FRMD4A: variants seen among roughly 807,000 people sequenced by gnomAD.
FRMD4A encodes FERM domain-containing protein 4A.
FRMD4A carries 29 observed loss-of-function variants against 129.1 expected under a neutral mutation model. That is an observed-to-expected ratio of 0.22 (90% confidence interval 0.17 to 0.31). The LOEUF is 0.31. Ranked by LOEUF, FRMD4A falls within the 10% of genes least tolerant of loss-of-function variation. The pLI, the probability that FRMD4A is intolerant of heterozygous loss-of-function variation, is 1.00. For missense variants in FRMD4A, 1,272 were observed against 1,375.8 expected, an observed-to-expected ratio of 0.92 and a Z score of 1.19; for synonymous variants, 634 against 571.6, an observed-to-expected ratio of 1.11 and a Z score of -1.56.
At chr10:14,191,113 A>C (rs1842304201) in intron 2 of FRMD4A, among the ~76,000 whole-genome samples, 1 of 152,184 alleles carries the variant, frequency 6.6e-6, no homozygotes, top group Non-Finnish European at 1.5e-5. Flanking sequence ...CTGCACACTC[A>C]AGAATTTTTG....
intron 2 of FRMD4A, among the ~76,000 whole-genome samples, chr10:13,992,363 G>A (rs763936654): frequency 5.9e-5 from 9 of 152,078 alleles, no homozygotes; most frequent in African/African-American, 1.2e-4. Flanking sequence ...ACATCTAACC[G>A]GATTCATGAG....
chr10:13,852,611 A>G (rs1034608442), intron 3 of FRMD4A, among the ~76,000 whole-genome samples: 4 of 152,228 alleles, frequency 2.6e-5, no homozygotes, highest in African/African-American at 9.6e-5. Context: ...CCAAAATATT[A>G]TCATTTTAAC....
chr10:14,233,692 C>A (rs35330629), intron 2 of FRMD4A, among the ~76,000 whole-genome samples: 17 of 152,314 alleles, frequency 1.1e-4, no homozygotes, highest in Admixed American at 1.1e-3. Context: ...AAAACAGGCA[C>A]GCTGAAAAAG....
chr10:14,310,144 C>T (rs894992432), intron 2 of FRMD4A, among the ~76,000 whole-genome samples: 1 of 147,496 alleles, frequency 6.8e-6, no homozygotes, highest in Non-Finnish European at 1.5e-5. Flanking sequence ...GGATCTGCCT[C>T]GGCTTTGGGC....
At chr10:14,129,217 C>T (rs1839095637) in intron 2 of FRMD4A, among the ~76,000 whole-genome samples, 3 of 151,478 alleles carry the variant, frequency 2.0e-5, no homozygotes, top group African/African-American at 7.3e-5. Context: ...TAGTGAAGTA[C>T]CTTATTACCG....
At chr10:14,115,752 C>T (rs1000497771) in intron 2 of FRMD4A, among the ~76,000 whole-genome samples, 3 of 152,184 alleles carry the variant, frequency 2.0e-5, no homozygotes, top group African/African-American at 7.2e-5. Context: ...CATCTTCCAC[C>T]ATGATTGGAA....
chr10:13,891,384 T>A (rs2094694353), intron 2 of FRMD4A, among the ~76,000 whole-genome samples: 1 of 152,092 alleles, frequency 6.6e-6, no homozygotes, highest in Non-Finnish European at 1.5e-5. Context: ...GGGACTGAGG[T>A]GCCCAAGGAA....
chr10:14,035,107 C>T (rs542164534), intron 2 of FRMD4A, among the ~76,000 whole-genome samples: 6 of 152,212 alleles, frequency 3.9e-5, no homozygotes, highest in East Asian at 1.9e-4. Flanking sequence ...TTATATGCTA[C>T]GTTAGGGAAT....
chr10:13,909,398 A>C (rs2094917727), intron 2 of FRMD4A, among the ~76,000 whole-genome samples: 1 of 152,220 alleles, frequency 6.6e-6, no homozygotes, highest in Non-Finnish European at 1.5e-5. Context: ...CGTTCCCATC[A>C]GTAACGTATA....
chr10:13,670,655 G>A (rs927496737), intron 16 of FRMD4A, 127 bp from the exon 17 acceptor site: 16 of 800,616 alleles, frequency 2.0e-5, no homozygotes, highest in African/African-American at 3.4e-5. Flanking sequence ...ACAGGTCAAC[G>A]CTTATGCTAG....
chr10:13,906,571 G>T (rs2094884253), intron 2 of FRMD4A, among the ~76,000 whole-genome samples: 1 of 152,130 alleles, frequency 6.6e-6, no homozygotes, highest in Non-Finnish European at 1.5e-5. Flanking sequence ...TCCACTAAGG[G>T]CGTGAAATCT....
At chr10:13,666,429 A>G in intron 17 of FRMD4A, 104 bp from the exon 18 acceptor site, 1 of 756,058 alleles carries the variant, frequency 1.3e-6, no homozygotes, top group Non-Finnish European at 2.2e-6. Context: ...CATGGGAGAC[A>G]CTCTTAAGAG....
intron 2 of FRMD4A, among the ~76,000 whole-genome samples, chr10:14,214,194 T>C (rs530606615): frequency 1.3e-5 from 2 of 152,212 alleles, no homozygotes; most frequent in African/African-American, 4.8e-5. Context: ...AGTCTGGAAA[T>C]GGACTCATAC....
In FRMD4A at chr10:14,126,121, T is replaced by C. The variant is rs116625410; in HGVS notation, c.45+203937A>G. 4.8e-3 allele frequency among the ~76,000 whole-genome samples: 732 copies of C among 151,756 alleles called. 4 individuals are homozygous for C. The highest frequency in any genetic ancestry group is 0.017 in the African/African-American group (694 of 41,400). ...AAAATTAGGGTTTTCTCTAAGATCA[T>C]CTTCTCTCTTATCCCTTATGTCCTC... On this transcript the variant is annotated intron_variant, in intron 2 of 24. Coordinates refer to ENST00000357447, the MANE Select transcript of FRMD4A (RefSeq NM_018027.5).
intron 3 of FRMD4A, among the ~76,000 whole-genome samples, chr10:13,812,161 G>A (rs2093460435): frequency 6.6e-6 from 1 of 152,230 alleles, no homozygotes; most frequent in Non-Finnish European, 1.5e-5. Flanking sequence ...TTACAGGCAT[G>A]AGCCACTGCA....
chr10:13,894,116 C>T (rs1018537185), intron 2 of FRMD4A, among the ~76,000 whole-genome samples: 5 of 152,260 alleles, frequency 3.3e-5, no homozygotes, highest in African/African-American at 1.2e-4. Context: ...TGAGGGCAGC[C>T]CCTTATCCCA....
At chr10:14,156,542 C>A (rs374136046) in intron 2 of FRMD4A, among the ~76,000 whole-genome samples, 56 of 152,190 alleles carry the variant, frequency 3.7e-4, no homozygotes, top group African/African-American at 1.3e-3. Context: ...GTAGCAGTTA[C>A]CCCTGGGAGG....
intron 12 of FRMD4A, among the ~76,000 whole-genome samples, chr10:13,734,840 CTATTTATTTATTTATTTATTTATT>C (rs140004557): frequency 1.3e-4 from 18 of 141,604 alleles, no homozygotes; most frequent in Admixed American, 4.3e-4. Flanking sequence ...TCTTCTTTTT[CTATTTATTTATTTATTTATTTATT>C]TATTTATTTA....
At chr10:13,661,071 A>T (rs1358864427) in intron 19 of FRMD4A, among the ~76,000 whole-genome samples, 1 of 152,120 alleles carries the variant, frequency 6.6e-6, no homozygotes, top group Admixed American at 6.5e-5. Flanking sequence ...TCCATTGTAA[A>T]TACCTGCTGG....
Sources: allele counts gnomAD v4.1 joint callset (sites outside exome capture counted in the v4.1 genomes callset), GRCh38; gene constraint gnomAD v4.1.1; transcripts MANE v1.5; gene names NCBI Gene and HGNC (gene_info 2026-07-23, HGNC 2026-07-21).